The following CSMD1 variants were observed in gnomAD, a reference collection of about 807,000 sequenced individuals.
CSMD1 encodes the protein CUB and sushi domain-containing protein 1.
In CSMD1, 213 loss-of-function variants were observed where a neutral mutation model predicts 417.5. The ratio of observed to expected loss-of-function variants is 0.51; its 90% confidence interval spans 0.46 to 0.57. The LOEUF (loss-of-function observed/expected upper bound fraction) is 0.57. Among genes scored for constraint, CSMD1 ranks in the 20% least tolerant of loss-of-function variants. The pLI, the probability that CSMD1 is intolerant of heterozygous loss-of-function variation, is 0.00. For synonymous variants in CSMD1, 2,862 were observed against 1,736.8 expected (o/e 1.65, Z -16.11); for missense variants, 6,923 against 4,529.7 (o/e 1.53, Z -15.17).
intron 27 of CSMD1, among the ~76,000 whole-genome samples, chr8:3,225,090 C>A (rs932067095): frequency 6.6e-6 from 1 of 152,058 alleles, no homozygotes; most frequent in African/African-American, 2.4e-5. Flanking sequence ...TTCCCCTATA[C>A]AAAAAGAGAC....
At chr8:4,862,066 C>A (rs1174713182) in intron 1 of CSMD1, among the ~76,000 whole-genome samples, 1 of 151,966 alleles carries the variant, frequency 6.6e-6, no homozygotes, top group Non-Finnish European at 1.5e-5. Context: ...CAGGGAAATG[C>A]TACTGGGAAT....
chr8:2,973,362 T>G, intron 56 of CSMD1, 63 bp from the exon 57 acceptor site: 3 of 1,501,608 alleles, frequency 2.0e-6, no homozygotes, highest in Non-Finnish European at 2.7e-6. Context: ...AGCAGAGTTG[T>G]CACACTTAAA....
intron 3 of CSMD1, among the ~76,000 whole-genome samples, chr8:4,200,431 CA>C (rs1344610164): frequency 6.6e-6 from 1 of 152,076 alleles, no homozygotes; most frequent in East Asian, 1.9e-4. Context: ...AGAATAACCC[CA>C]CAGCCGTCTA....
intron 3 of CSMD1, among the ~76,000 whole-genome samples, chr8:4,261,856 C>A (rs766679403): frequency 5.9e-5 from 9 of 152,020 alleles, no homozygotes; most frequent in Non-Finnish European, 1.2e-4. Flanking sequence ...GTTCATTATA[C>A]CCTAATGAAA....
chr8:4,781,970 C>T (rs1797171836), intron 1 of CSMD1, among the ~76,000 whole-genome samples: 1 of 152,104 alleles, frequency 6.6e-6, no homozygotes, highest in Admixed American at 6.6e-5. Flanking sequence ...ATAAAATAAA[C>T]TCTGACTTCA....
At position 3,946,974 on chromosome 8, in the gene CSMD1, C is replaced by T. The variant is rs527330911; in HGVS notation, c.818+50929G>A. Reference sequence around the variant, plus strand: ...TTTAAAACAAAATTCACAGCAATCACATCATATAAATAAATACGTTGGATC... The same window carrying T: ...TTTAAAACAAAATTCACAGCAATCATATCATATAAATAAATACGTTGGATC... On this transcript the variant is annotated intron_variant, in intron 5 of 69. Transcript: ENST00000635120. Among the ~76,000 whole-genome samples the T allele has an allele frequency of 1.1e-4, 16 of 152,246 alleles. No homozygotes were observed. In the South Asian group the frequency reaches 3.3e-3, roughly 32 times the overall value.
intron 7 of CSMD1, among the ~76,000 whole-genome samples, chr8:3,694,768 G>A (rs2624056): frequency 0.068 from 10,310 of 151,648 alleles, 1,175 homozygotes; most frequent in African/African-American, 0.24. Flanking sequence ...AAAAGAAGTG[G>A]AAAGAGCGGT....
chr8:3,300,105 C>A (rs1804271804), intron 25 of CSMD1, among the ~76,000 whole-genome samples: 1 of 152,098 alleles, frequency 6.6e-6, no homozygotes, highest in Admixed American at 6.6e-5. Flanking sequence ...AAGGCACATT[C>A]AGGCAATGGA....
At chr8:3,913,453 C>T (rs540953560) in intron 5 of CSMD1, among the ~76,000 whole-genome samples, 1 of 152,166 alleles carries the variant, frequency 6.6e-6, no homozygotes, top group Admixed American at 6.5e-5. Context: ...GGAAATGTAA[C>T]CTCCAGACTG....
chr8:4,672,389 C>T (rs988291899), intron 1 of CSMD1, among the ~76,000 whole-genome samples: 9 of 152,150 alleles, frequency 5.9e-5, no homozygotes, highest in African/African-American at 1.9e-4. Flanking sequence ...AGCCTGTTCA[C>T]ATTCTCACAC....
chr8:4,111,401 T>C (rs1226829271), intron 3 of CSMD1, among the ~76,000 whole-genome samples: 2 of 152,186 alleles, frequency 1.3e-5, no homozygotes, highest in African/African-American at 4.8e-5. Flanking sequence ...AAAAAGTATG[T>C]ATCTTTATTA....
At chr8:3,227,624 G>A (rs185066317) in intron 27 of CSMD1, among the ~76,000 whole-genome samples, 1 of 152,114 alleles carries the variant, frequency 6.6e-6, no homozygotes. Context: ...GGCATCAGTG[G>A]TGTAGTTGTG....
At chr8:3,854,684 C>G (rs1233184359) in intron 5 of CSMD1, among the ~76,000 whole-genome samples, 1 of 146,774 alleles carries the variant, frequency 6.8e-6, no homozygotes, top group Non-Finnish European at 1.5e-5. Context: ...GGAGAGTGGG[C>G]GAGAAGGGAG....
At chr8:3,521,156 T>A (rs903116181) in intron 10 of CSMD1, among the ~76,000 whole-genome samples, 1 of 152,128 alleles carries the variant, frequency 6.6e-6, no homozygotes, top group Non-Finnish European at 1.5e-5. Flanking sequence ...TGAAAATGAA[T>A]GTATTTATTA....
chr8:4,302,560 C>T (rs570199618), intron 3 of CSMD1, among the ~76,000 whole-genome samples: 39 of 152,210 alleles, frequency 2.6e-4, no homozygotes, highest in African/African-American at 6.5e-4. Flanking sequence ...GTCAGGTTTC[C>T]GCCTCTCTCT....
Position 3,108,673 on chromosome 8 carries a change from G to A in CSMD1, c.6684C>T (p.Ser2228=), listed in dbSNP as rs1302600429. 2 of 1,613,780 alleles carry A rather than the reference G, an allele frequency of 1.2e-6. No homozygotes were observed. Among genetic ancestry groups the A allele is most frequent in the African/African-American group, 1.3e-5 (1 of 75,038 alleles). Residue 2228 remains serine, a synonymous_variant, in exon 44 of 70, where the codon TCC becomes TCT. Coordinates refer to ENST00000635120, the MANE Select transcript of CSMD1 (RefSeq NM_033225.6). The part of the protein sequence containing the change: ...GNTALETAYS[S]TNQVLLKFHS... ...GGAACTTGAGCAGGACTTGGTTGGT[G>A]GAGCTATACGCCGTTTCGAGGGCTG...
At chr8:4,253,922 T>C (rs1482229326) in intron 3 of CSMD1, among the ~76,000 whole-genome samples, 1 of 137,988 alleles carries the variant, frequency 7.2e-6, no homozygotes, top group East Asian at 2.1e-4. Context: ...TTTTTTTTTT[T>C]TTTTTTTTTT....
chr8:3,780,173 G>C (rs1799100934), intron 5 of CSMD1, among the ~76,000 whole-genome samples: 1 of 152,172 alleles, frequency 6.6e-6, no homozygotes, highest in African/African-American at 2.4e-5. Flanking sequence ...AATCCAATAT[G>C]ACAGGTTAAA....
chr8:4,263,023 A>C (rs767936818), intron 3 of CSMD1, among the ~76,000 whole-genome samples: 1 of 152,208 alleles, frequency 6.6e-6, no homozygotes, highest in Admixed American at 6.5e-5. Context: ...TTGGCCAAAT[A>C]GTCTAATGAA....
Sources: allele counts gnomAD v4.1 joint callset (sites outside exome capture counted in the v4.1 genomes callset), GRCh38; gene constraint gnomAD v4.1.1; transcripts MANE v1.5; gene names NCBI Gene and HGNC (gene_info 2026-07-23, HGNC 2026-07-21).